The following SUGCT variants were observed in gnomAD, a reference collection of about 807,000 sequenced individuals.
SUGCT encodes succinyl-CoA:glutarate-CoA transferase.
SUGCT carries 41 observed loss-of-function variants against 55.0 expected under a neutral mutation model. The observed-to-expected ratio is 0.74, with a 90% CI of 0.58 to 0.97. SUGCT has a LOEUF of 0.97. Among genes scored for constraint, SUGCT ranks in the 50% least tolerant of loss-of-function variants. The pLI is 0.00. For missense variants in SUGCT, 568 were observed against 547.8 expected (o/e 1.04, Z -0.37); for synonymous variants, 187 against 200.4 (o/e 0.93, Z 0.56).
At chr7:40,941,644 C>T in the SUGCT span, among the ~76,000 whole-genome samples, 4 of 152,018 alleles carry the variant, frequency 2.6e-5, no homozygotes, top group Admixed American at 6.6e-5. Flanking sequence ...CCTTGAGGAT[C>T]GGTCTGTGCT....
chr7:40,683,116 A>T (rs997547116), intron 12 of SUGCT, among the ~76,000 whole-genome samples: 1 of 152,196 alleles, frequency 6.6e-6, no homozygotes, highest in Admixed American at 6.5e-5. Context: ...GCTTAAAAAA[A>T]AAGTAACCTG....
At chr7:40,320,414 A>G (rs959593471) in intron 9 of SUGCT, among the ~76,000 whole-genome samples, 6 of 152,074 alleles carry the variant, frequency 3.9e-5, no homozygotes, top group Non-Finnish European at 2.9e-5. Context: ...TAATGCATAG[A>G]TATGTTTCCC....
chr7:40,242,008 C>T (rs189359096), intron 7 of SUGCT, among the ~76,000 whole-genome samples: 35 of 151,330 alleles, frequency 2.3e-4, no homozygotes, highest in African/African-American at 6.8e-4. Flanking sequence ...CAGCCTTTTA[C>T]GTATGCTGTG....
At chr7:40,967,359 A>G in the SUGCT span, 1 of 152,222 alleles carries the variant, frequency 6.6e-6, no homozygotes, top group Non-Finnish European at 1.5e-5. Flanking sequence ...TTCATGTGTA[A>G]GTAATGAGAA....
At chr7:40,689,407 A>G in intron 12 of SUGCT, among the ~76,000 whole-genome samples, 1 of 152,228 alleles carries the variant, frequency 6.6e-6, no homozygotes, top group East Asian at 1.9e-4. Context: ...AAGCAGAAAG[A>G]CCATAGTTTG....
chr7:40,587,199 G>A (rs1390753174), intron 12 of SUGCT, among the ~76,000 whole-genome samples: 1 of 152,188 alleles, frequency 6.6e-6, no homozygotes, highest in Non-Finnish European at 1.5e-5. Context: ...GATGAAAATA[G>A]TGTGTATCTT....
intron 12 of SUGCT, among the ~76,000 whole-genome samples, chr7:40,651,233 C>T (rs1330595221): frequency 6.6e-6 from 1 of 152,170 alleles, no homozygotes; most frequent in Admixed American, 6.5e-5. Context: ...ATTCCTATCT[C>T]TCTGCACTTC....
the SUGCT span, among the ~76,000 whole-genome samples, chr7:40,927,692 GGT>G: frequency 6.6e-6 from 1 of 152,022 alleles, no homozygotes; most frequent in Non-Finnish European, 1.5e-5. Flanking sequence ...TGAGCCTCTT[GGT>G]TCTGAGCTCA....
At chr7:40,218,004 A>G (rs536003025) in intron 6 of SUGCT, among the ~76,000 whole-genome samples, 27 of 152,154 alleles carry the variant, frequency 1.8e-4, no homozygotes, top group Non-Finnish European at 3.1e-4. Flanking sequence ...CCTTGAGGTC[A>G]GGAGTTTGAG....
chr7:40,605,097 G>A (rs555819696), intron 12 of SUGCT, among the ~76,000 whole-genome samples: 6 of 152,322 alleles, frequency 3.9e-5, no homozygotes, highest in African/African-American at 1.2e-4. Flanking sequence ...TTGCTAACAC[G>A]GGGGCAGATT....
At chr7:40,638,596 A>T (rs1258849278) in intron 12 of SUGCT, among the ~76,000 whole-genome samples, 1 of 152,178 alleles carries the variant, frequency 6.6e-6, no homozygotes. Flanking sequence ...GTATGAGGAG[A>T]AGACCCAGTA....
chr7:40,801,893 T>C (rs374620067), intron 13 of SUGCT, among the ~76,000 whole-genome samples: 2 of 152,164 alleles, frequency 1.3e-5, no homozygotes, highest in Middle Eastern at 3.4e-3. Context: ...TCTGACCCCA[T>C]AGACCAGCTT....
intron 13 of SUGCT, among the ~76,000 whole-genome samples, chr7:40,782,343 C>T (rs928155922): frequency 6.6e-6 from 1 of 152,112 alleles, no homozygotes; most frequent in Non-Finnish European, 1.5e-5. Context: ...AGTTTTCTTA[C>T]ACTTTTCTTG....
intron 12 of SUGCT, among the ~76,000 whole-genome samples, chr7:40,530,432 C>T (rs1010088174): frequency 9.2e-5 from 14 of 152,100 alleles, no homozygotes; most frequent in Admixed American, 7.2e-4. Context: ...TACTGCTAAC[C>T]AATTGAGTTC....
At chr7:40,663,719 TTCCACCCAG>T (rs1801456911) in intron 12 of SUGCT, among the ~76,000 whole-genome samples, 3 of 152,202 alleles carry the variant, frequency 2.0e-5, no homozygotes, top group Admixed American at 2.0e-4. Flanking sequence ...CGTGCTTCAA[TTCCACCCAG>T]TCCCATGCAC....
chr7:40,708,259 C>T (rs1584312273), intron 12 of SUGCT, among the ~76,000 whole-genome samples: 1 of 152,264 alleles, frequency 6.6e-6, no homozygotes, highest in East Asian at 1.9e-4. Flanking sequence ...ATACTTACCT[C>T]AGTCTGGATG....
chr7:40,314,234 G>A (rs560232509), intron 8 of SUGCT, among the ~76,000 whole-genome samples: 1 of 152,220 alleles, frequency 6.6e-6, no homozygotes. Context: ...TTTATAAGTT[G>A]GCCTGTGATC....
chr7:40,876,559 A>G, the SUGCT span, among the ~76,000 whole-genome samples: 2 of 152,224 alleles, frequency 1.3e-5, no homozygotes, highest in African/African-American at 4.8e-5. Context: ...TGAAAATATA[A>G]CTTAGGTGCA....
chr7:40,274,305 A>T (rs1029467633), intron 7 of SUGCT, among the ~76,000 whole-genome samples: 1 of 152,008 alleles, frequency 6.6e-6, no homozygotes, highest in East Asian at 1.9e-4. Flanking sequence ...AGAGAAATGC[A>T]CTGAGAAGTA....
Sources: allele counts gnomAD v4.1 joint callset (sites outside exome capture counted in the v4.1 genomes callset), GRCh38; gene constraint gnomAD v4.1.1; transcripts MANE v1.5; gene names NCBI Gene and HGNC (gene_info 2026-07-23, HGNC 2026-07-21).